The following EPHA6 variants were observed in gnomAD, a reference collection of about 807,000 sequenced individuals.
EPHA6 encodes the protein EPH receptor A6.
Under a neutral mutation model 112.0 loss-of-function variants are expected in EPHA6, and 50 were observed. That is an observed-to-expected ratio of 0.45 (90% CI 0.36 to 0.56). The LOEUF (loss-of-function observed/expected upper bound fraction) is 0.56, where lower values mean the gene tolerates loss of function less well. Ranked by LOEUF, EPHA6 falls within the 20% of genes least tolerant of loss-of-function variation. The pLI is 0.00. For synonymous variants in EPHA6, 529 were observed against 490.7 expected (o/e 1.08, Z -1.03); for missense variants, 1,280 against 1,417.4 (o/e 0.90, Z 1.56).
chr3:96,867,560 G>C (rs2036391163), intron 2 of EPHA6, among the ~76,000 whole-genome samples: 2 of 151,646 alleles, frequency 1.3e-5, no homozygotes, highest in South Asian at 4.2e-4. Context: ...ATAAAAGGGT[G>C]GTTTCTAAAG....
intron 11 of EPHA6, among the ~76,000 whole-genome samples, chr3:97,560,037 A>C (rs1445580065): frequency 1.3e-5 from 2 of 151,854 alleles, no homozygotes; most frequent in Non-Finnish European, 2.9e-5. Context: ...TTAAAAAGAA[A>C]AAAAAGAAAA....
At chr3:97,632,038 A>G (rs2093907590) in intron 13 of EPHA6, among the ~76,000 whole-genome samples, 1 of 152,026 alleles carries the variant, frequency 6.6e-6, no homozygotes, top group South Asian at 2.1e-4. Flanking sequence ...GCAAAAATAT[A>G]AAAATTTTGT....
chr3:97,016,823 G>T (rs1212164522), intron 3 of EPHA6, among the ~76,000 whole-genome samples: 1 of 152,040 alleles, frequency 6.6e-6, no homozygotes. Context: ...CCACTCTTTT[G>T]CCTGCTCTTT....
chr3:96,850,536 A>T (rs1160314601), intron 1 of EPHA6, among the ~76,000 whole-genome samples: 1 of 152,036 alleles, frequency 6.6e-6, no homozygotes, highest in Non-Finnish European at 1.5e-5. Flanking sequence ...TTCCAGCAGA[A>T]TTTTCTTAAG....
chr3:97,648,143 G>A, intron 14 of EPHA6: 1 of 432,704 alleles, frequency 2.3e-6, no homozygotes, highest in Non-Finnish European at 4.1e-6. Context: ...TGTTATCCAT[G>A]GCAAATTTTG....
At chr3:97,418,215 A>G (rs2088294139) in intron 6 of EPHA6, among the ~76,000 whole-genome samples, 1 of 151,528 alleles carries the variant, frequency 6.6e-6, no homozygotes, top group South Asian at 2.1e-4. Flanking sequence ...TTATCAGTAT[A>G]TACTAATAAA....
rs1576439421 is a variant in EPHA6 at position 97,074,851 on chromosome 3, T to C, written c.1114+86858T>C. ...TCTAAAAACAGTTACTCATATCAAA[T>C]GAAACTTCCAATTACCATTTAGTAA... On this transcript the variant is annotated intron_variant, in intron 3 of 17. Transcript: ENST00000389672. Among the ~76,000 whole-genome samples the C allele has an allele frequency of 3.9e-5, 6 of 152,128 alleles. 1 individual carries two copies. The South Asian group carries it at 1.2e-3, about 32-fold the overall frequency.
intron 3 of EPHA6, chr3:96,994,162 G>C (rs2043316970): frequency 3.0e-6 from 1 of 337,504 alleles, no homozygotes; most frequent in South Asian, 3.6e-5. Flanking sequence ...GGCTTAAATA[G>C]ATAGAAAGAT....
chr3:96,971,213 G>T (rs1576205173), intron 2 of EPHA6, among the ~76,000 whole-genome samples: 1 of 152,024 alleles, frequency 6.6e-6, no homozygotes, highest in South Asian at 2.1e-4. Context: ...TTCCTTCTTA[G>T]TAGAAGTTAT....
At chr3:97,581,456 G>A (rs9876013) in intron 11 of EPHA6, among the ~76,000 whole-genome samples, 2,754 of 152,084 alleles carry the variant, frequency 0.018, 105 homozygotes, top group African/African-American at 0.063. Context: ...TCTATTGCAC[G>A]TATTAAAATG....
intron 1 of EPHA6, among the ~76,000 whole-genome samples, chr3:96,836,513 G>T (rs890428929): frequency 3.3e-5 from 5 of 152,134 alleles, no homozygotes; most frequent in African/African-American, 1.2e-4. Context: ...TTCAACAATT[G>T]TATTCTTTCA....
chr3:97,331,108 A>T (rs2082776200), intron 5 of EPHA6, among the ~76,000 whole-genome samples: 1 of 152,160 alleles, frequency 6.6e-6, no homozygotes, highest in South Asian at 2.1e-4. Flanking sequence ...AAAACCACTC[A>T]TCTACATGGA....
chr3:97,544,755 G>A (rs893551496), intron 11 of EPHA6, among the ~76,000 whole-genome samples: 2 of 152,114 alleles, frequency 1.3e-5, no homozygotes, highest in Admixed American at 6.5e-5. Flanking sequence ...ATTGATTATT[G>A]CCTCAATTTC....
chr3:97,450,607 G>A (rs2090493570), intron 7 of EPHA6, among the ~76,000 whole-genome samples: 1 of 152,050 alleles, frequency 6.6e-6, no homozygotes, highest in East Asian at 1.9e-4. Context: ...TTTAACATTA[G>A]ATTTCAACTC....
chr3:97,053,495 C>G (rs549007209), intron 3 of EPHA6, among the ~76,000 whole-genome samples: 1 of 152,162 alleles, frequency 6.6e-6, no homozygotes, highest in African/African-American at 2.4e-5. Flanking sequence ...TAGACTGGAA[C>G]TGACAGAAGA....
chr3:97,115,677 G>A (rs752631260), intron 3 of EPHA6, among the ~76,000 whole-genome samples: 1 of 151,494 alleles, frequency 6.6e-6, no homozygotes, highest in Non-Finnish European at 1.5e-5. Flanking sequence ...AAAAGAGTTG[G>A]GAATCCATTA....
chr3:97,297,490 A>G (rs1418041333), intron 5 of EPHA6, among the ~76,000 whole-genome samples: 1 of 152,170 alleles, frequency 6.6e-6, no homozygotes, highest in Non-Finnish European at 1.5e-5. Flanking sequence ...TTAAAGAAAT[A>G]TGACTTTGCT....
intron 13 of EPHA6, among the ~76,000 whole-genome samples, chr3:97,631,806 C>T (rs1170459032): frequency 6.6e-6 from 1 of 151,912 alleles, no homozygotes; most frequent in African/African-American, 2.4e-5. Context: ...CATATTTAAC[C>T]TTTTAAGGAC....
intron 13 of EPHA6, among the ~76,000 whole-genome samples, chr3:97,635,251 C>T: frequency 6.6e-6 from 1 of 151,870 alleles, no homozygotes; most frequent in Non-Finnish European, 1.5e-5. Context: ...TTTTAATACA[C>T]CAAAATCTTA....
Sources: allele counts gnomAD v4.1 joint callset (sites outside exome capture counted in the v4.1 genomes callset), GRCh38; gene constraint gnomAD v4.1.1; transcripts MANE v1.5; gene names NCBI Gene and HGNC (gene_info 2026-07-23, HGNC 2026-07-21).